The following RNF17 variants were observed in gnomAD, a reference collection of about 807,000 sequenced individuals.
RNF17 encodes the protein spermatogenesis associated 23.
Under a neutral mutation model 200.5 loss-of-function variants are expected in RNF17, and 31 were observed. The observed-to-expected ratio is 0.15, with a 90% CI of 0.12 to 0.21. The LOEUF is 0.21. RNF17 is among the 10% of genes least tolerant of loss of function. RNF17 has a pLI of 1.00. For missense variants in RNF17, 1,628 were observed against 1,905.1 expected (o/e 0.85, Z 2.71); for synonymous variants, 606 against 637.8 (o/e 0.95, Z 0.75).
intron 6 of RNF17, among the ~76,000 whole-genome samples, chr13:24,782,164 T>C (rs1882468116): frequency 6.6e-6 from 1 of 152,106 alleles, no homozygotes; most frequent in Non-Finnish European, 1.5e-5. Context: ...CTATTTACCT[T>C]CTGGTGCTGA....
chr13:24,871,440 C>G (rs1039962639), intron 32 of RNF17, among the ~76,000 whole-genome samples: 1 of 152,024 alleles, frequency 6.6e-6, no homozygotes, highest in Admixed American at 6.6e-5. Flanking sequence ...CAGGTTTAAG[C>G]GATTCTCCTG....
At chr13:24,870,822 T>G in intron 32 of RNF17, 83 bp downstream of exon 32, 1 of 1,048,568 alleles carries the variant, frequency 9.5e-7, no homozygotes, top group Non-Finnish European at 1.4e-6. Flanking sequence ...TTGGGCTATC[T>G]CTAATGCTGA....
chr13:24,778,878 T>C (rs1881957655), intron 4 of RNF17, among the ~76,000 whole-genome samples: 1 of 152,226 alleles, frequency 6.6e-6, no homozygotes, highest in African/African-American at 2.4e-5. Context: ...AAAATGATAT[T>C]AAGTTTTTGT....
In RNF17 at chr13:24,764,188, G is replaced by A. The variant is rs1156484806; in HGVS notation, c.-16G>A. 12 of 1,577,620 alleles carry A rather than the reference G, an allele frequency of 7.6e-6. No individual in the cohort carries two copies. The highest frequency in any genetic ancestry group is 1.7e-5 in the Admixed American group (1 of 58,480). On this transcript the variant is annotated 5_prime_UTR_variant, in exon 1 of 36. Coordinates refer to ENST00000255324, the MANE Select transcript of RNF17 (RefSeq NM_031277.3). The stretch of plus-strand genomic sequence containing the variant: ...GGACTCGCACTCGGCGGTTGTTCCA[G>A]AAGAAAGAGACAGCGATGGCGGCAG...
At chr13:24,794,298 A>T (rs1384037320) in intron 10 of RNF17, 2 of 442,014 alleles carry the variant, frequency 4.5e-6, no homozygotes, top group Non-Finnish European at 9.0e-6. Context: ...TATGTGTAGT[A>T]AGTAGCTCTT....
upstream of RNF17, chr13:24,764,165 A>T (rs750194596): frequency 6.5e-7 from 1 of 1,542,580 alleles, no homozygotes; most frequent in East Asian, 2.3e-5. Context: ...GGCCGCCGGG[A>T]CTCGCACTCG....
At chr13:24,762,369 TAAAAAAAAAA>T (rs370600110), upstream of RNF17, among the ~76,000 whole-genome samples, 31,116 of 114,396 alleles carry the variant, frequency 0.27, 3,819 homozygotes, top group East Asian at 0.35. Context: ...ACTCCATTTC[TAAAAAAAAAA>T]AAAAAAAAAA....
Position 24,854,640 on chromosome 13 carries a change from TAAAG to T in RNF17, c.3610+500_3610+503del, listed in dbSNP as rs1292975579. 1.3e-4 allele frequency among the ~76,000 whole-genome samples: 20 copies of T among 152,132 alleles called. 1 individual carries two copies. The South Asian group carries it at 3.5e-3, about 27-fold the overall frequency. On this transcript the variant is annotated intron_variant, in intron 25 of 35. Coordinates refer to ENST00000255324, the MANE Select transcript of RNF17 (RefSeq NM_031277.3). ...AGCAACTGTGATAACTACATGAAGT[TAAAG>T]AAAAAGGAAATAAAGGTCCAGGCCC...
In RNF17 at chr13:24,861,552, A is replaced by C. The variant is rs9578790; in HGVS notation, c.3894+165A>C. Reference sequence around the variant, plus strand: ...ACAGCTAAACAGCCTTTATGAAGACAGTTACAAAATTATACTCAAGGCTGT... The same window carrying C: ...ACAGCTAAACAGCCTTTATGAAGACCGTTACAAAATTATACTCAAGGCTGT... On this transcript the variant is annotated intron_variant, in intron 27 of 35. Coordinates refer to ENST00000255324, the MANE Select transcript of RNF17 (RefSeq NM_031277.3). 1.9e-3 allele frequency among the ~76,000 whole-genome samples: 286 copies of C among 152,384 alleles called. 1 individual carries two copies. Among genetic ancestry groups the C allele is most frequent in the African/African-American group, 6.6e-3 (276 of 41,600 alleles).
chr13:24,885,186 A>G, the RNF17 span: 1 of 871,484 alleles, frequency 1.1e-6, no homozygotes. Context: ...TCTTGTCCAA[A>G]GAGCCCTTAT....
upstream of RNF17, among the ~76,000 whole-genome samples, chr13:24,763,753 C>T (rs560582721): frequency 6.6e-6 from 1 of 152,300 alleles, no homozygotes; most frequent in African/African-American, 2.4e-5. Context: ...TCTACCCCAA[C>T]GATAGCTTCT....
Position 24,879,291 on chromosome 13 carries a change from T to G in RNF17, c.*6T>G. On this transcript the variant is annotated 3_prime_UTR_variant, in exon 35 of 36. Coordinates refer to ENST00000255324, the MANE Select transcript of RNF17 (RefSeq NM_031277.3). ...TTGCAGATAAAGATGAATAAGTGCC[T>G]AAGTGTAAGTTCTCATTCTCTTCAT... 3.2e-6 allele frequency: 5 copies of G among 1,572,216 alleles called. No individual in the cohort carries two copies. Among genetic ancestry groups the G allele is most frequent in the Non-Finnish European group, 4.4e-6 (5 of 1,142,150 alleles).
intron 10 of RNF17, among the ~76,000 whole-genome samples, chr13:24,794,710 A>T (rs953127525): frequency 1.3e-5 from 2 of 152,092 alleles, no homozygotes; most frequent in African/African-American, 2.4e-5. Context: ...CTCTGGCAGA[A>T]ATATTCCCCC....
the RNF17 span, among the ~76,000 whole-genome samples, chr13:24,887,313 G>A: frequency 6.6e-6 from 1 of 152,168 alleles, no homozygotes; most frequent in Non-Finnish European, 1.5e-5. Context: ...ACGGTATACT[G>A]GTCTGTGGCC....
At chr13:24,778,929 C>T (rs1374099987) in intron 4 of RNF17, among the ~76,000 whole-genome samples, 1 of 152,178 alleles carries the variant, frequency 6.6e-6, no homozygotes. Flanking sequence ...TGGCTCCTGC[C>T]TATAATCCCA....
At chr13:24,768,991 C>CTT (rs34548311) in intron 2 of RNF17, among the ~76,000 whole-genome samples, 7 of 105,720 alleles carry the variant, frequency 6.6e-5, no homozygotes, top group African/African-American at 1.4e-4. Flanking sequence ...AACCTCTTCC[C>CTT]TTTTTTTTTT....
At position 24,877,090 on chromosome 13, in the gene RNF17, G is replaced by T; in HGVS notation, c.4677G>T (p.Gly1559=). The change falls in exon 34 of 36, where the codon GGG becomes GGT. Residue 1559 remains glycine (G), a synonymous_variant. Transcript: ENST00000255324. The part of the protein sequence containing the change: ...AGFKPPLRDL[G]ETRIPYCPKW... ...TTAAACCTCCCTTAAGGGATCTAGG[G>T]GAGACAAGAATACCATATTGTCCCA... 1 of 1,613,348 alleles carries T rather than the reference G, an allele frequency of 6.2e-7. No homozygotes were observed. Among genetic ancestry groups the T allele is most frequent in the South Asian group, 1.1e-5 (1 of 90,984 alleles).
chr13:24,763,497 G>A (rs1419921658), upstream of RNF17, among the ~76,000 whole-genome samples: 1 of 151,652 alleles, frequency 6.6e-6, no homozygotes, highest in Non-Finnish European at 1.5e-5. Flanking sequence ...CATTACAGGC[G>A]TGAGCCACCG....
chr13:24,797,705 AGTGT>A (rs777888152), intron 11 of RNF17, among the ~76,000 whole-genome samples: 57 of 119,094 alleles, frequency 4.8e-4, no homozygotes, highest in African/African-American at 1.4e-3. Flanking sequence ...AGAGACAAAG[AGTGT>A]GTGTGTGTGT....
Sources: gnomAD v4.1 joint callset for allele counts (sites outside exome capture counted in the v4.1 genomes callset) on GRCh38, gnomAD v4.1.1 for gene constraint, MANE v1.5 for transcripts, NCBI Gene and HGNC (gene_info 2026-07-23, HGNC 2026-07-21) for gene names.